DACH1: variants seen among roughly 807,000 people sequenced by gnomAD.
The protein encoded by DACH1 is dachshund family transcription factor 1.
DACH1 carries 12 observed loss-of-function variants against 54.2 expected under a neutral mutation model. The observed-to-expected ratio is 0.22, with a 90% CI of 0.14 to 0.36. DACH1 has a LOEUF of 0.36. Among genes scored for constraint, DACH1 ranks in the 10% least tolerant of loss-of-function variants. The pLI, the probability that DACH1 is intolerant of heterozygous loss-of-function variation, is 1.00. For synonymous variants in DACH1, 386 were observed against 366.2 expected (o/e 1.05, Z -0.62); for missense variants, 805 against 929.8 (o/e 0.87, Z 1.75).
intron 1 of DACH1, among the ~76,000 whole-genome samples, chr13:71,788,934 T>A (rs561328082): frequency 6.6e-6 from 1 of 152,282 alleles, no homozygotes; most frequent in East Asian, 1.9e-4. Context: ...GAAAAATTTA[T>A]TCTCCAGAAA....
At chr13:71,855,611 A>C (rs1262177886) in intron 1 of DACH1, among the ~76,000 whole-genome samples, 1 of 152,036 alleles carries the variant, frequency 6.6e-6, no homozygotes, top group Non-Finnish European at 1.5e-5. Flanking sequence ...ATTTCATGTA[A>C]GTAAAGTGAA....
rs1195408111 is a variant in DACH1 at position 71,866,508 on chromosome 13, TGCC to T, written c.259_261del (p.Gly87del). On this transcript the variant is annotated inframe_deletion, in exon 1 of 11. Transcript: ENST00000613252. Reference sequence around the variant, plus strand: ...CCACCGCCGCCTCCGTTGCCGCTGCTGCCGCCGCCGCCTCCGCTGCCGCCGCCG... The same window carrying T: ...CCACCGCCGCCTCCGTTGCCGCTGCTGCCGCCGCCTCCGCTGCCGCCGCCG... 8.2e-7 allele frequency: 1 copy of T among 1,213,410 alleles called. No individual in the cohort carries two copies. The highest frequency in any genetic ancestry group is 1.0e-6 in the Non-Finnish European group (1 of 981,164). 75.2% of individuals were successfully genotyped at this position (1,213,410 alleles called of 1,614,324 possible).
chr13:71,800,826 AATT>A (rs1887261357), intron 1 of DACH1, among the ~76,000 whole-genome samples: 1 of 151,756 alleles, frequency 6.6e-6, no homozygotes, highest in Non-Finnish European at 1.5e-5. Context: ...TGATCATTTT[AATT>A]ATTATTAATA....
chr13:71,748,459 A>G (rs2137967705), intron 1 of DACH1, among the ~76,000 whole-genome samples: 1 of 152,306 alleles, frequency 6.6e-6, no homozygotes, highest in South Asian at 2.1e-4. Context: ...AGAGAAATCA[A>G]TTTAAGGGAA....
At chr13:71,533,232 C>A (rs1011717933) in intron 6 of DACH1, among the ~76,000 whole-genome samples, 3 of 151,804 alleles carry the variant, frequency 2.0e-5, no homozygotes, top group Admixed American at 2.0e-4. Context: ...CCATTAATTG[C>A]AATTAGAGAA....
At chr13:71,646,337 C>CAA (rs1174658213) in intron 2 of DACH1, among the ~76,000 whole-genome samples, 2 of 97,906 alleles carry the variant, frequency 2.0e-5, no homozygotes, top group Admixed American at 1.1e-4. Context: ...AACTCCGTCT[C>CAA]AAAAAAAAAA....
chr13:71,720,577 A>C (rs973518733), intron 1 of DACH1, among the ~76,000 whole-genome samples: 17 of 152,168 alleles, frequency 1.1e-4, no homozygotes, highest in African/African-American at 3.9e-4. Context: ...ATGGTGTTTA[A>C]ATTTTCAGAT....
At chr13:71,596,574 A>G (rs778629308) in intron 3 of DACH1, among the ~76,000 whole-genome samples, 11 of 152,214 alleles carry the variant, frequency 7.2e-5, no homozygotes, top group African/African-American at 2.4e-4. Flanking sequence ...AAGGAAGACT[A>G]TTACTGTTTT....
At chr13:71,633,190 A>G (rs1228721887) in intron 2 of DACH1, among the ~76,000 whole-genome samples, 2 of 152,212 alleles carry the variant, frequency 1.3e-5, no homozygotes, top group Admixed American at 1.3e-4. Flanking sequence ...AACCATGACT[A>G]TGCATGATAT....
intron 1 of DACH1, among the ~76,000 whole-genome samples, chr13:71,685,264 A>G (rs779085745): frequency 1.3e-5 from 2 of 152,230 alleles, no homozygotes; most frequent in African/African-American, 2.4e-5. Flanking sequence ...AATTCCACCA[A>G]TAGAGATTTA....
chr13:71,601,696 A>T (rs1215853673), intron 3 of DACH1, among the ~76,000 whole-genome samples: 1 of 151,948 alleles, frequency 6.6e-6, no homozygotes. Context: ...AAATGTCAGT[A>T]CTCTATTATC....
chr13:71,856,028 T>C (rs1480280899), intron 1 of DACH1, among the ~76,000 whole-genome samples: 2 of 151,944 alleles, frequency 1.3e-5, no homozygotes, highest in Non-Finnish European at 2.9e-5. Flanking sequence ...CTTAAATAGC[T>C]GCAAAATTTT....
chr13:71,492,175 T>C (rs1192733274), intron 6 of DACH1, among the ~76,000 whole-genome samples: 1 of 152,190 alleles, frequency 6.6e-6, no homozygotes, highest in African/African-American at 2.4e-5. Flanking sequence ...AATTCCTTCA[T>C]AGTCCTGTAA....
At chr13:71,682,200 T>C (rs1880943165) in intron 1 of DACH1, among the ~76,000 whole-genome samples, 1 of 152,208 alleles carries the variant, frequency 6.6e-6, no homozygotes, top group South Asian at 2.1e-4. Flanking sequence ...TATGCTAAAG[T>C]TCTGCATGCA....
chr13:71,536,104 C>G (rs1365318054), intron 6 of DACH1, among the ~76,000 whole-genome samples: 1 of 151,844 alleles, frequency 6.6e-6, no homozygotes, highest in Non-Finnish European at 1.5e-5. Context: ...AAACTTTATT[C>G]TAGTCAAAAA....
chr13:71,537,351 GTC>G (rs994371325), intron 6 of DACH1, among the ~76,000 whole-genome samples: 1 of 152,010 alleles, frequency 6.6e-6, no homozygotes, highest in African/African-American at 2.4e-5. Flanking sequence ...ACATTTCCCA[GTC>G]TCTTATCTGT....
intron 2 of DACH1, among the ~76,000 whole-genome samples, chr13:71,639,635 A>G (rs1383765325): frequency 1.3e-5 from 2 of 152,076 alleles, no homozygotes; most frequent in Non-Finnish European, 2.9e-5. Flanking sequence ...ATAGCTTAAA[A>G]TCTCAATTTC....
At chr13:71,674,409 G>T (rs1042000723) in intron 2 of DACH1, among the ~76,000 whole-genome samples, 2 of 151,024 alleles carry the variant, frequency 1.3e-5, no homozygotes, top group Admixed American at 6.6e-5. Flanking sequence ...ACAATCACAA[G>T]TGTCCTTAAA....
At chr13:71,596,310 C>T (rs1464057517) in intron 3 of DACH1, among the ~76,000 whole-genome samples, 1 of 152,088 alleles carries the variant, frequency 6.6e-6, no homozygotes, top group Non-Finnish European at 1.5e-5. Flanking sequence ...CCACTGCATG[C>T]CGTGTGAGTC....
Sources: gnomAD v4.1 joint callset for allele counts (sites outside exome capture counted in the v4.1 genomes callset) on GRCh38, gnomAD v4.1.1 for gene constraint, MANE v1.5 for transcripts, NCBI Gene and HGNC (gene_info 2026-07-23, HGNC 2026-07-21) for gene names.